Variants in RIT2 observed in about 807,000 individuals in gnomAD.
RIT2 encodes the protein GTP-binding protein Rit2.
In RIT2, 24 loss-of-function variants were observed where a neutral mutation model predicts 23.7. The observed-to-expected ratio is 1.01, with a 90% CI of 0.73 to 1.43. The LOEUF (loss-of-function observed/expected upper bound fraction) is 1.43. Among genes scored for constraint, RIT2 ranks in the 40% most tolerant of loss-of-function variants. The pLI is 0.00. For synonymous variants in RIT2, 107 were observed against 91.1 expected (o/e 1.17, Z -0.99); for missense variants, 236 against 266.9 (o/e 0.88, Z 0.81).
intron 4 of RIT2, among the ~76,000 whole-genome samples, chr18:42,818,423 T>C (rs541411861): frequency 1.3e-5 from 2 of 152,150 alleles, no homozygotes; most frequent in East Asian, 3.9e-4. Flanking sequence ...CATAAAGCAA[T>C]TAGAACCTTA....
At chr18:42,798,075 A>G (rs2143957797) in intron 4 of RIT2, among the ~76,000 whole-genome samples, 1 of 152,320 alleles carries the variant, frequency 6.6e-6, no homozygotes, top group African/African-American at 2.4e-5. Flanking sequence ...ATAGCATGAA[A>G]TATATAATTT....
At chr18:42,781,387 A>G (rs1351787099) in intron 4 of RIT2, among the ~76,000 whole-genome samples, 2 of 152,162 alleles carry the variant, frequency 1.3e-5, no homozygotes, top group Non-Finnish European at 2.9e-5. Context: ...GCTAAGAAGA[A>G]CAGATTGAAA....
At chr18:42,963,031 C>T (rs1420672011) in intron 3 of RIT2, among the ~76,000 whole-genome samples, 1 of 152,122 alleles carries the variant, frequency 6.6e-6, no homozygotes, top group Non-Finnish European at 1.5e-5. Context: ...TGCTATTTAC[C>T]TATCCATGTT....
At chr18:43,107,725 C>A (rs751549228) in intron 1 of RIT2, among the ~76,000 whole-genome samples, 1 of 152,140 alleles carries the variant, frequency 6.6e-6, no homozygotes, top group African/African-American at 2.4e-5. Context: ...TCTTTGGCAC[C>A]TCCATGCTAA....
In RIT2 at chr18:43,038,313, G is replaced by GTT. The variant is rs71175933; in HGVS notation, c.104-4448_104-4447dup. ...TTCTAGAACTTTTTATTGAATCGTG[G>GTT]TTTTTTTTTTTTTTTACATATTGTT... On this transcript the variant is annotated intron_variant, in intron 1 of 4. Transcript: ENST00000326695. Among the ~76,000 whole-genome samples, 219 of 136,818 alleles carry GTT rather than the reference G, an allele frequency of 1.6e-3. 1 individual carries two copies. Among genetic ancestry groups the GTT allele is most frequent in the African/African-American group, 4.9e-3 (181 of 36,942 alleles). The allele number at this position is 136,818 out of a possible 152,430, so 89.8% of individuals were successfully genotyped here.
At chr18:42,921,797 G>A (rs1413219714) in intron 4 of RIT2, among the ~76,000 whole-genome samples, 2 of 152,026 alleles carry the variant, frequency 1.3e-5, no homozygotes, top group African/African-American at 4.8e-5. Flanking sequence ...TGATCACTTG[G>A]TGGCACATTT....
intron 2 of RIT2, among the ~76,000 whole-genome samples, chr18:42,981,728 A>C (rs1910603540): frequency 6.6e-6 from 1 of 152,154 alleles, no homozygotes; most frequent in Non-Finnish European, 1.5e-5. Flanking sequence ...TGAGAAAAAT[A>C]TATAAATATG....
intron 1 of RIT2, among the ~76,000 whole-genome samples, chr18:43,102,860 G>A (rs1367615453): frequency 6.6e-6 from 1 of 151,942 alleles, no homozygotes; most frequent in Non-Finnish European, 1.5e-5. Flanking sequence ...CACCATGTTG[G>A]CCAGGCTGGT....
At chr18:42,927,923 G>A (rs1021124146) in intron 3 of RIT2, among the ~76,000 whole-genome samples, 1 of 151,862 alleles carries the variant, frequency 6.6e-6, no homozygotes, top group African/African-American at 2.4e-5. Context: ...AGAATTTTAA[G>A]CAGGTATTAG....
chr18:42,899,872 T>C (rs769107888), intron 4 of RIT2, among the ~76,000 whole-genome samples: 10 of 152,160 alleles, frequency 6.6e-5, no homozygotes, highest in Non-Finnish European at 1.0e-4. Context: ...CCAAATTTAG[T>C]TTAATTTACA....
intron 4 of RIT2, among the ~76,000 whole-genome samples, chr18:42,908,697 C>T (rs1464426716): frequency 1.3e-5 from 2 of 152,058 alleles, no homozygotes; most frequent in African/African-American, 4.8e-5. Flanking sequence ...ATCCTTCATA[C>T]TGAAATAAAG....
At chr18:42,826,271 G>A (rs1333607634) in intron 4 of RIT2, among the ~76,000 whole-genome samples, 2 of 152,058 alleles carry the variant, frequency 1.3e-5, no homozygotes, top group Non-Finnish European at 2.9e-5. Context: ...GAAGCAGGTA[G>A]ATGTTAAGTA....
At chr18:43,047,529 T>A (rs1912276533) in intron 1 of RIT2, among the ~76,000 whole-genome samples, 1 of 152,168 alleles carries the variant, frequency 6.6e-6, no homozygotes, top group South Asian at 2.1e-4. Context: ...TGTACTTAAA[T>A]GTAATGCTTG....
At chr18:43,096,239 A>G (rs566129059) in intron 1 of RIT2, among the ~76,000 whole-genome samples, 1 of 152,100 alleles carries the variant, frequency 6.6e-6, no homozygotes, top group Non-Finnish European at 1.5e-5. Flanking sequence ...CACCAGACAC[A>G]GATGAATTGA....
chr18:42,869,067 C>T (rs1312660248), intron 4 of RIT2, among the ~76,000 whole-genome samples: 2 of 152,144 alleles, frequency 1.3e-5, no homozygotes, highest in African/African-American at 4.8e-5. Flanking sequence ...AAATTTAGTC[C>T]TAATATCATT....
intron 4 of RIT2, among the ~76,000 whole-genome samples, chr18:42,851,815 G>A (rs1183232480): frequency 2.0e-5 from 3 of 151,990 alleles, no homozygotes; most frequent in African/African-American, 7.3e-5. Flanking sequence ...ACTCCAGCCT[G>A]GTGACAGACC....
At chr18:43,067,504 A>G (rs1325658402) in intron 1 of RIT2, among the ~76,000 whole-genome samples, 1 of 152,158 alleles carries the variant, frequency 6.6e-6, no homozygotes, top group African/African-American at 2.4e-5. Context: ...TAAGATATAC[A>G]TGGGTTCGGT....
chr18:42,763,469 A>T (rs1913351612), intron 4 of RIT2, among the ~76,000 whole-genome samples: 1 of 151,366 alleles, frequency 6.6e-6, no homozygotes, highest in African/African-American at 2.4e-5. Flanking sequence ...CTCAAAAAAA[A>T]AAAAAAAGGT....
chr18:42,895,663 A>G (rs527760162), intron 4 of RIT2, among the ~76,000 whole-genome samples: 1 of 152,178 alleles, frequency 6.6e-6, no homozygotes, highest in South Asian at 2.1e-4. Context: ...AAATTCAAGA[A>G]AACTGGATTA....
Sources: allele counts gnomAD v4.1 joint callset (sites outside exome capture counted in the v4.1 genomes callset), GRCh38; gene constraint gnomAD v4.1.1; transcripts MANE v1.5; gene names NCBI Gene and HGNC (gene_info 2026-07-23, HGNC 2026-07-21).